Variants in CFAP44 observed in about 807,000 individuals in gnomAD.
CFAP44 encodes the protein cilia- and flagella-associated protein 44.
A neutral mutation model predicts 216.2 loss-of-function variants in CFAP44; 134 were observed. The observed-to-expected ratio is 0.62, with a 90% confidence interval of 0.54 to 0.72. The LOEUF (loss-of-function observed/expected upper bound fraction) is 0.72. Ranked by LOEUF, CFAP44 falls within the 30% of genes least tolerant of loss-of-function variation. The probability of loss-of-function intolerance (pLI) is 0.00; values close to 1 mark genes in which losing one functional copy is unlikely to be tolerated. For missense variants in CFAP44, 2,035 were observed against 2,182.1 expected (o/e 0.93, Z 1.34); for synonymous variants, 700 against 727.6 (o/e 0.96, Z 0.61).
At chr3:113,295,878 A>C (rs1193139197) in intron 33 of CFAP44, among the ~76,000 whole-genome samples, 1 of 152,192 alleles carries the variant, frequency 6.6e-6, no homozygotes, top group Non-Finnish European at 1.5e-5. Flanking sequence ...TAGCCACTCC[A>C]TTTCTAAAAC....
intron 28 of CFAP44, among the ~76,000 whole-genome samples, chr3:113,320,448 T>TC (rs1453356730): frequency 8.9e-6 from 1 of 112,730 alleles, no homozygotes; most frequent in African/African-American, 3.1e-5. Context: ...ATATATGATA[T>TC]ATATTACATC....
chr3:113,288,165 G>A lies in CFAP44; in HGVS notation c.*3392C>T, dbSNP rs1046814450. On this transcript the variant is annotated 3_prime_UTR_variant, in exon 35 of 35. Coordinates refer to ENST00000393845, the MANE Select transcript of CFAP44 (RefSeq NM_001164496.2). ...TTGAGACAATCTCGTTAAGTGGGGG[G>A]CCAGACCCTGGCTTTTAAACATGAA... is the stretch of plus-strand genomic sequence containing the variant. 1.8e-4 allele frequency: 27 copies of A among 152,128 alleles called. No individual in the cohort carries two copies. Among genetic ancestry groups the A allele is most frequent in the African/African-American group, 6.5e-4 (27 of 41,422 alleles). 9.4% of individuals were successfully genotyped at this position (152,128 alleles called of 1,614,324 possible). A position where few individuals can be genotyped will look rare whatever the true frequency, so the allele number is the denominator to read the frequency against.
intron 18 of CFAP44, among the ~76,000 whole-genome samples, chr3:113,368,522 T>G (rs1933039001): frequency 6.6e-6 from 1 of 152,094 alleles, no homozygotes; most frequent in Non-Finnish European, 1.5e-5. Flanking sequence ...ATAAAATACT[T>G]TACAGACAAG....
In CFAP44 at chr3:113,306,304, G is replaced by A. The variant is rs1001983335; in HGVS notation, c.4655C>T (p.Ala1552Val). The part of the protein sequence containing the change: ...TNCDVALFEL[A>V]LHLREKRLDI... ...CAGCCTTTTCTCTCGAAGGTGAAGG[G>A]CCAGCTCAAAAAGAGCCACATCACA... is the stretch of plus-strand genomic sequence containing the variant. Residue 1552 changes from alanine (A) to valine (V), a missense_variant, in exon 30 of 35, where the codon GCC becomes GTC. Around this residue, in one of 3 missense-constraint regions of CFAP44, gnomAD observed 1,883 missense variants for 2,023.7 expected, o/e 0.93. Transcript: ENST00000393845. 9 of 1,535,848 alleles carry A rather than the reference G, an allele frequency of 5.9e-6. No homozygotes were observed. The South Asian group carries it at 7.2e-5, about 12-fold the overall frequency.
Position 113,291,485 on chromosome 3 carries a change from G to C in CFAP44, c.*72C>G. On this transcript the variant is annotated 3_prime_UTR_variant, in exon 35 of 35. Coordinates refer to ENST00000393845, the MANE Select transcript of CFAP44 (RefSeq NM_001164496.2). ...TCAGTTTAAAGTAATAAGATTGTTG[G>C]AGGTGATGAGGAGACAGAACTTCCA... 6.8e-7 allele frequency: 1 copy of C among 1,462,350 alleles called. No individual in the cohort carries two copies. Among genetic ancestry groups the C allele is most frequent in the Non-Finnish European group, 9.1e-7 (1 of 1,092,950 alleles). 90.6% of individuals were successfully genotyped at this position (1,462,350 alleles called of 1,614,324 possible).
intron 30 of CFAP44, 88 bp from the exon 31 acceptor site, chr3:113,305,240 T>A (rs1487978514): frequency 8.7e-7 from 1 of 1,147,818 alleles, no homozygotes; most frequent in Non-Finnish European, 1.2e-6. Context: ...TGGGAGGAAG[T>A]AAAGCATGAG....
chr3:113,336,605 T>C (rs1228089946), intron 24 of CFAP44, among the ~76,000 whole-genome samples: 3 of 151,232 alleles, frequency 2.0e-5, no homozygotes, highest in Admixed American at 6.6e-5. Flanking sequence ...GATGAATTCA[T>C]TGACAAATTC....
chr3:113,328,695 T>TAAAAAAAAAAAAAAAAAAAA (rs1950210721), intron 26 of CFAP44, among the ~76,000 whole-genome samples: 18 of 72,344 alleles, frequency 2.5e-4, no homozygotes, highest in South Asian at 5.0e-4. Flanking sequence ...TTTAGAGAGC[T>TAAAAAAAAAAAAAAAAAAAA]TAAAAAAAAA....
At chr3:113,339,792 G>A (rs577214072) in intron 24 of CFAP44, among the ~76,000 whole-genome samples, 1 of 152,248 alleles carries the variant, frequency 6.6e-6, no homozygotes, top group East Asian at 1.9e-4. Context: ...AGCCAGCAGG[G>A]GCCATTCCTG....
intron 24 of CFAP44, among the ~76,000 whole-genome samples, chr3:113,339,647 C>G (rs1378573149): frequency 6.6e-6 from 1 of 152,160 alleles, no homozygotes; most frequent in Non-Finnish European, 1.5e-5. Flanking sequence ...GGCTTTGGAT[C>G]CCTCAGACCG....
chr3:113,430,036 A>G (rs184518108), intron 2 of CFAP44, among the ~76,000 whole-genome samples: 4 of 152,250 alleles, frequency 2.6e-5, no homozygotes, highest in Admixed American at 6.5e-5. Flanking sequence ...TCAAGCATAC[A>G]TGGGTCATTT....
In CFAP44 at chr3:113,287,775, A is replaced by G. The variant is rs931756777; in HGVS notation, c.*3782T>C. On this transcript the variant is annotated 3_prime_UTR_variant, in exon 35 of 35. Transcript: ENST00000393845. ...AAGAAATAGAACTAATCTTTTTTAT[A>G]TAGGTGTGTGTTGAAGACCAAATAT... 6.6e-6 allele frequency: 1 copy of G among 152,232 alleles called. No homozygotes were observed. The highest frequency in any genetic ancestry group is 2.4e-5 in the African/African-American group (1 of 41,460). 9.4% of individuals were successfully genotyped at this position (152,232 alleles called of 1,614,324 possible).
intron 28 of CFAP44, among the ~76,000 whole-genome samples, chr3:113,321,318 A>T (rs1281922970): frequency 6.6e-6 from 1 of 152,204 alleles, no homozygotes; most frequent in Non-Finnish European, 1.5e-5. Context: ...AGAAAATCAA[A>T]CATATCTTCA....
chr3:113,318,935 C>T (rs1451009349), intron 28 of CFAP44, among the ~76,000 whole-genome samples: 1 of 149,830 alleles, frequency 6.7e-6, no homozygotes, highest in Non-Finnish European at 1.5e-5. Context: ...GAGTGTTAAA[C>T]ATGGACTCAA....
intron 2 of CFAP44, among the ~76,000 whole-genome samples, chr3:113,432,586 A>C (rs1319022081): frequency 6.6e-6 from 1 of 152,158 alleles, no homozygotes; most frequent in Non-Finnish European, 1.5e-5. Context: ...ACTTTTAGAC[A>C]GTGTTTATTA....
At position 113,429,018 on chromosome 3, in the gene CFAP44, T is replaced by C. The variant is rs184278023; in HGVS notation, c.101-1679A>G. On this transcript the variant is annotated intron_variant, in intron 2 of 34. Coordinates refer to ENST00000393845, the MANE Select transcript of CFAP44 (RefSeq NM_001164496.2). Reference sequence around the variant, plus strand: ...CTTTTCCATGAGATTGAGAACACTATAAGAAAGCCTACAAATGCTATGGTT... The same window carrying C: ...CTTTTCCATGAGATTGAGAACACTACAAGAAAGCCTACAAATGCTATGGTT... The C allele has an allele frequency of 1.7e-4, 26 of 152,190 alleles. 1 individual carries two copies. The highest frequency in any genetic ancestry group is 1.7e-3 in the Admixed American group (26 of 15,270). 9.4% of individuals were successfully genotyped at this position (152,190 alleles called of 1,614,324 possible).
At position 113,327,612 on chromosome 3, in the gene CFAP44, A is replaced by T. The variant is rs767211122; in HGVS notation, c.4320+4T>A. 1 of 1,533,562 alleles carries T rather than the reference A, an allele frequency of 6.5e-7. No homozygotes were observed. The highest frequency in any genetic ancestry group is 8.7e-7 in the Non-Finnish European group (1 of 1,144,438). The allele number at this position is 1,533,562 out of a possible 1,614,324, so 95.0% of individuals were successfully genotyped here. A position where few individuals can be genotyped will look rare whatever the true frequency, so the allele number is the denominator to read the frequency against. On this transcript the variant is annotated splice_donor_region_variant and intron_variant, in intron 27 of 34. Transcript: ENST00000393845. ...CCAGCTAGGATTCTTCTGCCCACTC[A>T]TACTTGCATGTACTGTTCCTCTTTG...
chr3:113,362,725 T>C (rs1205225266), intron 21 of CFAP44: 10 of 331,464 alleles, frequency 3.0e-5, no homozygotes, highest in Non-Finnish European at 5.5e-5. Flanking sequence ...ACCAGTCTGC[T>C]TGCAGCAAAA....
intron 25 of CFAP44, among the ~76,000 whole-genome samples, chr3:113,332,636 A>G (rs1301447739): frequency 6.6e-6 from 1 of 152,162 alleles, no homozygotes; most frequent in Non-Finnish European, 1.5e-5. Flanking sequence ...GTCATTTCAA[A>G]TGGTGATTAA....
Sources: allele counts gnomAD v4.1 joint callset (sites outside exome capture counted in the v4.1 genomes callset), GRCh38; gene constraint gnomAD v4.1.1; regional missense constraint gnomAD v4.1.1; transcripts MANE v1.5; gene names NCBI Gene and HGNC (gene_info 2026-07-23, HGNC 2026-07-21).